The following PDZD2 variants were observed in gnomAD, a reference collection of about 807,000 sequenced individuals.
The protein encoded by PDZD2 is PDZ domain containing 2.
In PDZD2, 90 loss-of-function variants were observed where a neutral mutation model predicts 220.7. The observed-to-expected ratio is 0.41, with a 90% confidence interval of 0.34 to 0.49. The LOEUF is 0.49. PDZD2 is among the 20% of genes least tolerant of loss of function. The pLI, the probability that PDZD2 is intolerant of heterozygous loss-of-function variation, is 0.28. For missense variants in PDZD2, 3,174 were observed against 3,608.5 expected, an observed-to-expected ratio of 0.88 and a Z score of 3.08; for synonymous variants, 1,375 against 1,450.5, an observed-to-expected ratio of 0.95 and a Z score of 1.18.
At chr5:31,965,209 C>T (rs1325473042) in intron 2 of PDZD2, among the ~76,000 whole-genome samples, 1 of 152,108 alleles carries the variant, frequency 6.6e-6, no homozygotes, top group Non-Finnish European at 1.5e-5. Context: ...AGAGGCTCTC[C>T]CATACAGAGA....
chr5:31,904,530 A>G (rs1049584459), intron 2 of PDZD2, among the ~76,000 whole-genome samples: 1 of 152,066 alleles, frequency 6.6e-6, no homozygotes, highest in African/African-American at 2.4e-5. Flanking sequence ...TATGTCTTTT[A>G]TTTATTTATT....
chr5:31,732,712 A>G (rs1749606038), intron 1 of PDZD2, among the ~76,000 whole-genome samples: 1 of 152,170 alleles, frequency 6.6e-6, no homozygotes, highest in Non-Finnish European at 1.5e-5. Context: ...TAGGGAAAAT[A>G]TCAGGAGCAG....
At chr5:31,851,793 T>C (rs982059815) in intron 2 of PDZD2, among the ~76,000 whole-genome samples, 1 of 152,212 alleles carries the variant, frequency 6.6e-6, no homozygotes, top group African/African-American at 2.4e-5. Flanking sequence ...TCTGGCCTGC[T>C]GATGAGAATG....
intron 2 of PDZD2, among the ~76,000 whole-genome samples, chr5:31,887,159 G>A (rs1170160523): frequency 2.0e-5 from 3 of 152,208 alleles, no homozygotes; most frequent in Admixed American, 2.0e-4. Context: ...CCAGTTCAAT[G>A]AGTTCTGAAA....
rs754017972 is a variant in PDZD2 at position 32,000,394 on chromosome 5, A to G, written c.1254+123A>G. On this transcript the variant is annotated intron_variant, in intron 5 of 24. Coordinates refer to ENST00000438447, the MANE Select transcript of PDZD2 (RefSeq NM_178140.4). The surrounding 1 kb of genome is among the most constrained non-coding windows in gnomAD (Gnocchi z 4.5). ...TGCACTTGTACGTTTGCCTTGGGCT[A>G]TTGAAACAGCCTTGCTTCCACAGGG... The G allele has an allele frequency of 2.8e-4, 292 of 1,029,608 alleles. No homozygotes were observed. Among genetic ancestry groups the G allele is most frequent in the Non-Finnish European group, 8.4e-5 (56 of 666,480 alleles). The allele number at this position is 1,029,608 out of a possible 1,614,324, so 63.8% of individuals were successfully genotyped here. A position where few individuals can be genotyped will look rare whatever the true frequency, so the allele number is the denominator to read the frequency against.
At chr5:31,809,391 A>T (rs1754948114) in intron 2 of PDZD2, among the ~76,000 whole-genome samples, 1 of 152,190 alleles carries the variant, frequency 6.6e-6, no homozygotes, top group Non-Finnish European at 1.5e-5. Flanking sequence ...GAATGGCAAC[A>T]TCTGAGCTAT....
chr5:31,752,442 G>T (rs897796516), intron 1 of PDZD2, among the ~76,000 whole-genome samples: 2 of 152,160 alleles, frequency 1.3e-5, no homozygotes, highest in South Asian at 2.1e-4. Flanking sequence ...GCAGCTACTC[G>T]GGAGGCTGAG....
Position 31,908,727 on chromosome 5 carries a change from A to G in PDZD2, c.477-74428A>G, listed in dbSNP as rs1581051712. 7.7e-6 allele frequency: 8 copies of G among 1,035,582 alleles called. No homozygotes were observed. In the East Asian group the frequency reaches 2.8e-4, roughly 36 times the overall value. The allele number at this position is 1,035,582 out of a possible 1,614,324, so 64.1% of individuals were successfully genotyped here. A position where few individuals can be genotyped will look rare whatever the true frequency, so the allele number is the denominator to read the frequency against. On this transcript the variant is annotated intron_variant, in intron 2 of 24. Transcript: ENST00000438447. ...TGCAGAGCCCCTTGCAATCATGTCA[A>G]GCACATCCTTAGTAATTTCAAAAAC... is the stretch of plus-strand genomic sequence containing the variant.
chr5:31,922,763 C>A lies in PDZD2; in HGVS notation c.477-60392C>A, dbSNP rs547767128. On this transcript the variant is annotated intron_variant, in intron 2 of 24. Coordinates refer to ENST00000438447, the MANE Select transcript of PDZD2 (RefSeq NM_178140.4). ...GGTTTGCTGTAACCTCTGCCCCGCC[C>A]CCCCCTCCGGGCTCAAGTGACTCTC... is the stretch of plus-strand genomic sequence containing the variant. 3.6e-3 allele frequency among the ~76,000 whole-genome samples: 554 copies of A among 152,208 alleles called. 2 individuals carry two copies. Among genetic ancestry groups the A allele is most frequent in the Non-Finnish European group, 6.4e-3 (435 of 68,012 alleles).
intron 6 of PDZD2, among the ~76,000 whole-genome samples, chr5:32,020,061 T>A (rs995176843): frequency 1.3e-4 from 18 of 135,764 alleles, no homozygotes; most frequent in South Asian, 5.2e-4. Flanking sequence ...ATATATATAT[T>A]TTTTTAATTT....
intron 23 of PDZD2, chr5:32,100,602 C>T (rs996874453): frequency 2.9e-6 from 1 of 343,006 alleles, no homozygotes; most frequent in African/African-American, 2.2e-5. Context: ...AGGAAGCTCT[C>T]TGGGTTCCTG....
chr5:31,865,729 G>T (rs1239485443), intron 2 of PDZD2, among the ~76,000 whole-genome samples: 3 of 146,036 alleles, frequency 2.1e-5, no homozygotes, highest in Non-Finnish European at 4.5e-5. Flanking sequence ...CGCCTCCCGG[G>T]TGCCCCATTC....
intron 6 of PDZD2, among the ~76,000 whole-genome samples, chr5:32,036,135 A>AT (rs1249845629): frequency 6.6e-6 from 1 of 151,970 alleles, no homozygotes; most frequent in African/African-American, 2.4e-5. Context: ...AATTTTTTGT[A>AT]TTTTTAGTAG....
rs747479166 is a variant in PDZD2 at position 32,021,204 on chromosome 5, G to A, written c.1407+10722G>A. On this transcript the variant is annotated intron_variant, in intron 6 of 24. Coordinates refer to ENST00000438447, the MANE Select transcript of PDZD2 (RefSeq NM_178140.4). ...CAGAAATTTCACAAAGAAATGGAGC[G>A]ATTTAGGACAAACTCCTCACCCCAC... Among the ~76,000 whole-genome samples the A allele has an allele frequency of 4.0e-5, 6 of 151,848 alleles. No homozygotes were observed. In the East Asian group the frequency reaches 5.8e-4, roughly 15 times the overall value.
At chr5:31,902,041 C>T (rs532635311) in intron 2 of PDZD2, among the ~76,000 whole-genome samples, 5 of 152,186 alleles carry the variant, frequency 3.3e-5, no homozygotes, top group African/African-American at 9.7e-5. Context: ...AATACTGCTA[C>T]GAACATTCAT....
intron 1 of PDZD2, among the ~76,000 whole-genome samples, chr5:31,759,438 G>A (rs1348079594): frequency 6.6e-6 from 1 of 152,118 alleles, no homozygotes; most frequent in Non-Finnish European, 1.5e-5. Context: ...GTGGCCCATG[G>A]AACATTGTTA....
In PDZD2 at chr5:31,646,362, A is replaced by C. The variant is rs1745136148; in HGVS notation, c.-361+6925A>C. On this transcript the variant is annotated intron_variant, in intron 1 of 24. Coordinates refer to ENST00000438447, the MANE Select transcript of PDZD2 (RefSeq NM_178140.4). The surrounding 1 kb of genome is among the most constrained non-coding windows in gnomAD (Gnocchi z 4.7). Reference sequence around the variant, plus strand: ...GGAATTCCAGGGACTGAGCCACCACAAATGTCTTCAGGAACCTGACCCCTC... The same window carrying C: ...GGAATTCCAGGGACTGAGCCACCACCAATGTCTTCAGGAACCTGACCCCTC... Among the ~76,000 whole-genome samples, 1 of 151,938 alleles carries C rather than the reference A, an allele frequency of 6.6e-6. No individual in the cohort carries two copies. Among genetic ancestry groups the C allele is most frequent in the African/African-American group, 2.4e-5 (1 of 41,302 alleles).
chr5:31,924,117 C>T (rs1744531072), intron 2 of PDZD2, among the ~76,000 whole-genome samples: 1 of 152,170 alleles, frequency 6.6e-6, no homozygotes, highest in South Asian at 2.1e-4. Flanking sequence ...CTTCCAAACT[C>T]TCCCCACAGT....
At chr5:31,804,774 A>G (rs1754613998) in intron 2 of PDZD2, among the ~76,000 whole-genome samples, 1 of 152,218 alleles carries the variant, frequency 6.6e-6, no homozygotes, top group Non-Finnish European at 1.5e-5. Context: ...TTACATCTTC[A>G]CAAAATACCT....
Sources: allele counts gnomAD v4.1 joint callset (sites outside exome capture counted in the v4.1 genomes callset), GRCh38; gene constraint gnomAD v4.1.1; non-coding constraint Gnocchi (gnomAD v3.1); transcripts MANE v1.5; gene names NCBI Gene and HGNC (gene_info 2026-07-23, HGNC 2026-07-21).